PLCL2: variants seen among roughly 807,000 people sequenced by gnomAD.
PLCL2 encodes the protein phospholipase C like 2.
A neutral mutation model predicts 79.6 loss-of-function variants in PLCL2; 4 were observed. The observed-to-expected ratio is 0.05, with a 90% CI of 0.02 to 0.11. The LOEUF (loss-of-function observed/expected upper bound fraction) is 0.11. Among genes scored for constraint, PLCL2 ranks in the 10% least tolerant of loss-of-function variants. The pLI, the probability that PLCL2 is intolerant of heterozygous loss-of-function variation, is 1.00. For synonymous variants in PLCL2, 484 were observed against 457.7 expected (o/e 1.06, Z -0.73); for missense variants, 895 against 1,291.0 (o/e 0.69, Z 4.70).
chr3:16,944,268 A>G (rs1276648640), intron 1 of PLCL2, among the ~76,000 whole-genome samples: 1 of 152,198 alleles, frequency 6.6e-6, no homozygotes, highest in Admixed American at 6.5e-5. Flanking sequence ...AGGTTAGTCA[A>G]TCTTTTTATT....
At chr3:17,000,704 AT>A (rs1356568717) in intron 1 of PLCL2, among the ~76,000 whole-genome samples, 12 of 151,982 alleles carry the variant, frequency 7.9e-5, no homozygotes, top group Non-Finnish European at 1.6e-4. Context: ...TGTCTGATTT[AT>A]TTAATGATGT....
chr3:17,050,719 T>C (rs1575604962), intron 4 of PLCL2, among the ~76,000 whole-genome samples: 1 of 152,280 alleles, frequency 6.6e-6, no homozygotes, highest in Middle Eastern at 3.4e-3. Flanking sequence ...GTACAACCAT[T>C]ATGGAGAGCA....
At chr3:17,054,393 C>T (rs930134903) in intron 4 of PLCL2, among the ~76,000 whole-genome samples, 1 of 152,134 alleles carries the variant, frequency 6.6e-6, no homozygotes, top group Non-Finnish European at 1.5e-5. Flanking sequence ...CCCTCATCTT[C>T]CTGTCTTTTT....
chr3:16,979,910 A>G (rs1429971000), intron 1 of PLCL2, among the ~76,000 whole-genome samples: 22 of 148,022 alleles, frequency 1.5e-4, no homozygotes, highest in African/African-American at 4.7e-4. Flanking sequence ...CCCAGTAGGC[A>G]CGGCCAGGCA....
intron 1 of PLCL2, among the ~76,000 whole-genome samples, chr3:16,918,182 T>C (rs1050373712): frequency 1.1e-4 from 17 of 152,166 alleles, no homozygotes; most frequent in Admixed American, 6.6e-4. Context: ...CAGGTTATTA[T>C]AAGGAAGAAC....
Position 17,017,192 on chromosome 3 carries a change from G to A in PLCL2, c.3018+2281G>A, listed in dbSNP as rs79878989. ...CTCTTAATATGTAACTCTTATTTGC[G>A]TCTAACTGTATCATTATGTTGTTAT... is the stretch of plus-strand genomic sequence containing the variant. On this transcript the variant is annotated intron_variant, in intron 3 of 5. Transcript: ENST00000615277. Among the ~76,000 whole-genome samples, 374 of 152,202 alleles carry A rather than the reference G, an allele frequency of 2.5e-3. 3 individuals are homozygous for A. The highest frequency in any genetic ancestry group is 8.7e-3 in the African/African-American group (360 of 41,518).
chr3:17,063,240 CCCTG>C (rs2064970894), intron 4 of PLCL2, among the ~76,000 whole-genome samples: 21 of 53,180 alleles, frequency 3.9e-4, no homozygotes, highest in South Asian at 7.7e-4. Flanking sequence ...CTCCCTCCCT[CCCTG>C]CCTTCCTCCC....
At chr3:17,048,682 T>C (rs2064807437) in intron 4 of PLCL2, among the ~76,000 whole-genome samples, 1 of 152,222 alleles carries the variant, frequency 6.6e-6, no homozygotes, top group African/African-American at 2.4e-5. Flanking sequence ...GCTGTTGTGC[T>C]GAGCTCAAGT....
intron 1 of PLCL2, among the ~76,000 whole-genome samples, chr3:16,986,642 A>T (rs376568918): frequency 2.8e-4 from 42 of 152,216 alleles, no homozygotes; most frequent in Admixed American, 1.0e-3. Flanking sequence ...ACCTCAAGTG[A>T]TCTGCCCACC....
At chr3:17,029,770 CA>C (rs1466452549) in intron 3 of PLCL2, among the ~76,000 whole-genome samples, 1 of 152,160 alleles carries the variant, frequency 6.6e-6, no homozygotes, top group African/African-American at 2.4e-5. Context: ...ACACATCTCC[CA>C]GGGAAGAAAG....
At chr3:16,903,632 C>T (rs1696680628) in intron 1 of PLCL2, among the ~76,000 whole-genome samples, 1 of 152,116 alleles carries the variant, frequency 6.6e-6, no homozygotes, top group African/African-American at 2.4e-5. Flanking sequence ...CTGATGTGCC[C>T]AGCAGTGGGT....
intron 5 of PLCL2, among the ~76,000 whole-genome samples, chr3:17,085,898 G>A (rs748232343): frequency 3.9e-5 from 6 of 152,274 alleles, no homozygotes; most frequent in Non-Finnish European, 7.4e-5. Flanking sequence ...ATAAAACTCT[G>A]GTGAAAGGTA....
chr3:16,920,585 G>T (rs1042795817), intron 1 of PLCL2, among the ~76,000 whole-genome samples: 15 of 152,166 alleles, frequency 9.9e-5, no homozygotes, highest in Non-Finnish European at 1.9e-4. Flanking sequence ...CCTGTGAGTG[G>T]CTATTACACA....
At chr3:16,916,705 A>G (rs1300067912) in intron 1 of PLCL2, among the ~76,000 whole-genome samples, 2 of 152,346 alleles carry the variant, frequency 1.3e-5, no homozygotes, top group Non-Finnish European at 2.9e-5. Context: ...TTGATGATGA[A>G]CATTTACAAT....
intron 1 of PLCL2, among the ~76,000 whole-genome samples, chr3:16,959,850 A>C (rs535884999): frequency 4.6e-5 from 7 of 152,302 alleles, no homozygotes; most frequent in South Asian, 4.1e-4. Flanking sequence ...TCATGCCTGT[A>C]ATCCCAGCAC....
chr3:16,941,962 G>A (rs1299226833), intron 1 of PLCL2, among the ~76,000 whole-genome samples: 1 of 152,054 alleles, frequency 6.6e-6, no homozygotes, highest in Non-Finnish European at 1.5e-5. Context: ...TAAGAACCGG[G>A]ACCATTCTTA....
chr3:16,889,879 T>G (rs1696307235), intron 1 of PLCL2, among the ~76,000 whole-genome samples: 1 of 152,178 alleles, frequency 6.6e-6, no homozygotes, highest in Non-Finnish European at 1.5e-5. Flanking sequence ...GACATTTTTT[T>G]TTGAATGGGG....
chr3:16,929,014 G>A (rs1371875419), intron 1 of PLCL2, among the ~76,000 whole-genome samples: 1 of 152,104 alleles, frequency 6.6e-6, no homozygotes, highest in African/African-American at 2.4e-5. Context: ...GATTGGGCAG[G>A]GGGGTGGTGG....
intron 1 of PLCL2, among the ~76,000 whole-genome samples, chr3:16,913,044 C>T (rs1575525603): frequency 1.3e-5 from 2 of 152,294 alleles, no homozygotes; most frequent in Middle Eastern, 3.4e-3. Flanking sequence ...TCCTACAGCA[C>T]TACTTTGTGA....
Sources: allele counts gnomAD v4.1 joint callset (sites outside exome capture counted in the v4.1 genomes callset), GRCh38; gene constraint gnomAD v4.1.1; transcripts MANE v1.5; gene names NCBI Gene and HGNC (gene_info 2026-07-23, HGNC 2026-07-21).